SCLY: variants seen among roughly 807,000 people sequenced by gnomAD.
SCLY encodes the protein selenocysteine lyase, also known as putative selenocysteine lyase.
Under a neutral mutation model 50.1 loss-of-function variants are expected in SCLY, and 38 were observed. The ratio of observed to expected loss-of-function variants is 0.76; its 90% confidence interval spans 0.59 to 0.99. SCLY has a LOEUF of 0.99. SCLY is among the 50% of genes least tolerant of loss of function. The probability of loss-of-function intolerance (pLI) is 0.00; values close to 1 mark genes in which losing one functional copy is unlikely to be tolerated. For synonymous variants in SCLY, 243 were observed against 249.4 expected, an observed-to-expected ratio of 0.97 and a Z score of 0.24; for missense variants, 600 against 620.0, an observed-to-expected ratio of 0.97 and a Z score of 0.34.
intron 4 of SCLY, among the ~76,000 whole-genome samples, chr2:238,071,971 G>A (rs1405533925): frequency 6.6e-6 from 1 of 152,050 alleles, no homozygotes; most frequent in Non-Finnish European, 1.5e-5. Flanking sequence ...ATATTTTTCA[G>A]TTATAGAAAA....
rs1485288068 is a variant in SCLY, at chr2:238,083,882, TC to T, written c.884+531del. On this transcript the variant is annotated intron_variant, in intron 7 of 11. Coordinates refer to ENST00000254663, the MANE Select transcript of SCLY (RefSeq NM_016510.7). This position sits in a 1 kb window ranked among gnomAD's most constrained non-coding sequence, Gnocchi z 4.3. ...CTGGGTTTTCTTTTCACCTTGTGTA[TC>T]CCACACTTAGTGCTGAAGAAGCCGG... is the stretch of plus-strand genomic sequence containing the variant. Among the ~76,000 whole-genome samples the T allele has an allele frequency of 6.6e-6, 1 of 152,182 alleles. No individual in the cohort carries two copies. Among genetic ancestry groups the T allele is most frequent in the Non-Finnish European group, 1.5e-5 (1 of 68,040 alleles).
intron 8 of SCLY, chr2:238,091,535 A>G: frequency 3.3e-5 from 13 of 394,826 alleles, no homozygotes; most frequent in Admixed American, 8.2e-5. Context: ...GTGAAGTGTC[A>G]AGCTGCAGGT....
chr2:238,089,017 T>C (rs1253603549), intron 7 of SCLY, among the ~76,000 whole-genome samples: 2 of 152,040 alleles, frequency 1.3e-5, no homozygotes, highest in African/African-American at 4.8e-5. Flanking sequence ...ATAAAGAAAA[T>C]CCCAAGGAAT....
intron 3 of SCLY, 78 bp downstream of exon 3, chr2:238,068,243 A>T: frequency 8.9e-7 from 1 of 1,120,274 alleles, no homozygotes; most frequent in South Asian, 1.6e-5. Context: ...TCCTTTTGCT[A>T]CATTTTCATT....
chr2:238,086,549 T>G (rs1306285384), intron 7 of SCLY, among the ~76,000 whole-genome samples: 4 of 149,746 alleles, frequency 2.7e-5, no homozygotes, highest in Non-Finnish European at 5.9e-5. Context: ...TCTAAAAAAT[T>G]TTTTTTAATT....
At chr2:238,077,838 C>CT (rs1418138502) in intron 4 of SCLY, among the ~76,000 whole-genome samples, 1 of 152,116 alleles carries the variant, frequency 6.6e-6, no homozygotes, top group Non-Finnish European at 1.5e-5. Context: ...CACACAGCAT[C>CT]TAAGACTTAT....
At chr2:238,078,636 G>A (rs1291896972) in intron 4 of SCLY, 4 of 149,790 alleles carry the variant, frequency 2.7e-5, no homozygotes, top group Non-Finnish European at 4.4e-5. Flanking sequence ...TGCTTTTATT[G>A]TTATGGGTAT....
In SCLY at chr2:238,077,754, A is replaced by G. The variant is rs561049426; in HGVS notation, c.485-3955A>G. On this transcript the variant is annotated intron_variant, in intron 4 of 11. Transcript: ENST00000254663. Reference sequence around the variant, plus strand: ...AGGCAGTCATCTGATACCTGAATGTATCTGACCCTTGCCACCTGCCTGCTC... The same window carrying G: ...AGGCAGTCATCTGATACCTGAATGTGTCTGACCCTTGCCACCTGCCTGCTC... Among the ~76,000 whole-genome samples the G allele has an allele frequency of 7.9e-5, 12 of 152,302 alleles. No individual in the cohort carries two copies. The South Asian group carries it at 1.9e-3, about 24-fold the overall frequency.
chr2:238,099,134 A>C lies in SCLY; in HGVS notation c.*779A>C. 1 of 407,076 alleles carries C rather than the reference A, an allele frequency of 2.5e-6. No individual in the cohort carries two copies. The highest frequency in any genetic ancestry group is 7.3e-5 in the East Asian group (1 of 13,782). The allele number at this position is 407,076 out of a possible 1,614,324, so 25.2% of individuals were successfully genotyped here. On this transcript the variant is annotated 3_prime_UTR_variant, in exon 12 of 12. Coordinates refer to ENST00000254663, the MANE Select transcript of SCLY (RefSeq NM_016510.7). ...TTGATCATTATTAACTCAGGGTTTCAGCTCCAACCTCGCTGAGTTGGTGCA... is the reference window on the plus strand; with the variant it reads ...TTGATCATTATTAACTCAGGGTTTCCGCTCCAACCTCGCTGAGTTGGTGCA...
At chr2:238,079,138 A>C (rs1302137392) in intron 4 of SCLY, 2 of 131,454 alleles carry the variant, frequency 1.5e-5, no homozygotes, top group African/African-American at 2.9e-5. Flanking sequence ...TTGGTGTCAC[A>C]ATCACAACTC....
Position 238,069,583 on chromosome 2 carries a change from C to A in SCLY, c.484+106C>A, listed in dbSNP as rs1311118602. 4.8e-6 allele frequency: 5 copies of A among 1,033,988 alleles called. No individual in the cohort carries two copies. The highest frequency in any genetic ancestry group is 3.3e-5 in the African/African-American group (2 of 61,298). The allele number at this position is 1,033,988 out of a possible 1,614,324, so 64.1% of individuals were successfully genotyped here. Reference sequence around the variant, plus strand: ...GGGATCCGCTGCAGAGATGTAGATTCAGTGTGCCACTCACTGTAACTCACT... The same window carrying A: ...GGGATCCGCTGCAGAGATGTAGATTAAGTGTGCCACTCACTGTAACTCACT... On this transcript the variant is annotated intron_variant, in intron 4 of 11. Transcript: ENST00000254663. This position sits in a 1 kb window ranked among gnomAD's most constrained non-coding sequence, Gnocchi z 5.0.
chr2:238,088,034 T>C (rs2065317808), intron 7 of SCLY, among the ~76,000 whole-genome samples: 1 of 152,230 alleles, frequency 6.6e-6, no homozygotes, highest in Non-Finnish European at 1.5e-5. Context: ...AGGTCAAGGC[T>C]GCATGAGCTA....
chr2:238,091,521 A>ATT, intron 8 of SCLY: 2 of 437,194 alleles, frequency 4.6e-6, no homozygotes, highest in Non-Finnish European at 4.2e-6. Context: ...CTGTTACAGC[A>ATT]GAGGTGAAGT....
Position 238,083,635 on chromosome 2 carries a change from T to C in SCLY, c.884+281T>C, listed in dbSNP as rs2106447979. Among the ~76,000 whole-genome samples, 1 of 152,340 alleles carries C rather than the reference T, an allele frequency of 6.6e-6. No individual in the cohort carries two copies. Among genetic ancestry groups the C allele is most frequent in the East Asian group, 1.9e-4 (1 of 5,190 alleles). ...CCCTTGTAATTTTGGCCCAGCCCACTGAAGAGAACTGTTGGACCCTTCATG... is the reference window on the plus strand; with the variant it reads ...CCCTTGTAATTTTGGCCCAGCCCACCGAAGAGAACTGTTGGACCCTTCATG... On this transcript the variant is annotated intron_variant, in intron 7 of 11. Coordinates refer to ENST00000254663, the MANE Select transcript of SCLY (RefSeq NM_016510.7). This position sits in a 1 kb window ranked among gnomAD's most constrained non-coding sequence, Gnocchi z 4.3.
chr2:238,076,455 A>G (rs545284857), intron 4 of SCLY, among the ~76,000 whole-genome samples: 1 of 144,846 alleles, frequency 6.9e-6, no homozygotes, highest in South Asian at 2.3e-4. Context: ...TGCTTTAACT[A>G]CATTCCACAT....
chr2:238,068,122 G>A lies in SCLY; in HGVS notation c.260G>A (p.Gly87Glu), dbSNP rs747462994. Residue 87 changes from glycine to glutamate, a missense_variant, in exon 3 of 12, where the codon GGG becomes GAG. Physicochemically the swap from Gly to Glu is moderately conservative, Grantham distance 98. Coordinates refer to ENST00000254663, the MANE Select transcript of SCLY (RefSeq NM_016510.7). The part of the protein sequence containing the change: ...AARESLAKMI[G>E]GKPQDIIFTS... ...CGGGAAAGCCTCGCGAAGATGATAG[G>A]GGGGAAACCTCAAGATATAATCTTC... The A allele has an allele frequency of 6.2e-7, 1 of 1,611,594 alleles. No homozygotes were observed. Among genetic ancestry groups the A allele is most frequent in the Non-Finnish European group, 8.5e-7 (1 of 1,179,076 alleles).
At chr2:238,093,711 C>T (rs2065393606) in intron 8 of SCLY, 150 bp from the exon 9 acceptor site, 5 of 745,218 alleles carry the variant, frequency 6.7e-6, no homozygotes, top group Non-Finnish European at 1.1e-5. Context: ...TCCACACCCT[C>T]CAAATGGCAG....
rs149530922 is a variant in SCLY, at chr2:238,096,955, G to A, written c.1184+79G>A. ...GTGTGGTGGGCAGGCGGCAGGATCC[G>A]GCCACTGGGCCGCACTCTGGCTGGT... On this transcript the variant is annotated intron_variant, in intron 11 of 11. Transcript: ENST00000254663. The A allele has an allele frequency of 2.1e-3, 2,778 of 1,348,394 alleles. 24 individuals are homozygous for A. In the African/African-American group the frequency reaches 0.022, roughly 11 times the overall value. The allele number at this position is 1,348,394 out of a possible 1,614,324, so 83.5% of individuals were successfully genotyped here. A position where few individuals can be genotyped will look rare whatever the true frequency, so the allele number is the denominator to read the frequency against.
chr2:238,072,309 C>T (rs2065135550), intron 4 of SCLY, among the ~76,000 whole-genome samples: 1 of 152,118 alleles, frequency 6.6e-6, no homozygotes, highest in African/African-American at 2.4e-5. Flanking sequence ...TAGGTTGTTT[C>T]CATTTGTTGG....
Sources: gnomAD v4.1 joint callset for allele counts (sites outside exome capture counted in the v4.1 genomes callset) on GRCh38, gnomAD v4.1.1 for gene constraint, Gnocchi (gnomAD v3.1) non-coding constraint, MANE v1.5 for transcripts, NCBI Gene and HGNC (gene_info 2026-07-23, HGNC 2026-07-21) for gene names.